Variants in TSPAN3 observed in about 807,000 individuals in gnomAD.
TSPAN3 encodes tetraspanin 3.
Under a neutral mutation model 31.1 loss-of-function variants are expected in TSPAN3, and 9 were observed. The observed-to-expected ratio is 0.29, with a 90% CI of 0.17 to 0.50. The LOEUF is 0.50. TSPAN3 is among the 20% of genes least tolerant of loss of function. The pLI is 0.98. For missense variants in TSPAN3, 252 were observed against 313.5 expected (o/e 0.80, Z 1.48); for synonymous variants, 129 against 114.3 (o/e 1.13, Z -0.82).
chr15:77,067,671 T>G (rs2076841810), intron 1 of TSPAN3: 1 of 152,206 alleles, frequency 6.6e-6, no homozygotes, highest in Non-Finnish European at 1.5e-5. Flanking sequence ...TAAGAATACA[T>G]TTATTAGAAC....
chr15:77,053,267 G>T (rs778997512), intron 4 of TSPAN3, among the ~76,000 whole-genome samples: 2 of 151,668 alleles, frequency 1.3e-5, no homozygotes, highest in African/African-American at 4.8e-5. Context: ...AGGCCGAGAT[G>T]GGCGAGTCAC....
intron 6 of TSPAN3, among the ~76,000 whole-genome samples, chr15:77,051,442 CA>C (rs2076730209): frequency 6.6e-6 from 1 of 151,480 alleles, no homozygotes; most frequent in Non-Finnish European, 1.5e-5. Context: ...GCAGAAGAAT[CA>C]CTGGAACCTG....
chr15:77,062,820 T>G (rs2152697411), intron 1 of TSPAN3, among the ~76,000 whole-genome samples: 1 of 152,332 alleles, frequency 6.6e-6, no homozygotes, highest in East Asian at 1.9e-4. Flanking sequence ...TTCAGAGGTG[T>G]GTCTGCATTC....
intron 6 of TSPAN3, among the ~76,000 whole-genome samples, chr15:77,047,751 C>G (rs540364037): frequency 1.3e-5 from 2 of 152,172 alleles, no homozygotes; most frequent in Non-Finnish European, 2.9e-5. Context: ...TTTTGACCTA[C>G]CTTCTCCCAA....
intron 2 of TSPAN3, 99 bp downstream of exon 2, chr15:77,055,965 A>C: frequency 6.6e-7 from 1 of 1,520,602 alleles, no homozygotes; most frequent in Non-Finnish European, 8.8e-7. Flanking sequence ...TAGAAGTTTA[A>C]ATGTTAACTC....
Position 77,046,849 on chromosome 15 carries a change from C to T in TSPAN3, c.748G>A (p.Gly250Arg), listed in dbSNP as rs749142832. Residue 250 changes from glycine to arginine, a missense_variant, in exon 7 of 7, where the codon GGA becomes AGA. By Grantham distance (125) the Gly-to-Arg change is moderately radical. Transcript: ENST00000267970. Reference sequence around the variant, plus strand: ...TGAGTTGTCAACTATGCATAGGTTCCGCCAGTGATGAGGAGCTCGTAAGCA... The same window carrying T: ...TGAGTTGTCAACTATGCATAGGTTCTGCCAGTGATGAGGAGCTCGTAAGCA... ...DPAYELLITG[G>R]TYA The T allele has an allele frequency of 7.5e-6, 12 of 1,591,140 alleles. No homozygotes were observed. Among genetic ancestry groups the T allele is most frequent in the Middle Eastern group, 1.6e-4 (1 of 6,062 alleles).
intron 1 of TSPAN3, chr15:77,063,556 CTATTAT>C (rs1474203062): frequency 1.3e-5 from 2 of 152,078 alleles, no homozygotes; most frequent in Non-Finnish European, 2.9e-5. Flanking sequence ...ATCAACATCA[CTATTAT>C]TATTGCCATT....
intron 1 of TSPAN3, among the ~76,000 whole-genome samples, chr15:77,067,397 C>A (rs2076839817): frequency 6.6e-6 from 1 of 152,092 alleles, no homozygotes; most frequent in South Asian, 2.1e-4. Flanking sequence ...TGTCACAGTT[C>A]AATGAACAAA....
rs754196430 is a variant in TSPAN3 at position 77,070,922 on chromosome 15, G to T, written c.33C>A (p.Thr11=). 1.4e-6 allele frequency: 2 copies of T among 1,433,190 alleles called. No individual in the cohort carries two copies. The highest frequency in any genetic ancestry group is 2.8e-5 in the South Asian group (2 of 71,918). The allele number at this position is 1,433,190 out of a possible 1,614,324, so 88.8% of individuals were successfully genotyped here. The change falls in exon 1 of 7, where the codon ACC becomes ACA. Residue 11 remains threonine (T), a synonymous_variant. Coordinates refer to ENST00000267970, the MANE Select transcript of TSPAN3 (RefSeq NM_005724.6). The part of the protein sequence containing the change: MGQCGITSSK[T]VLVFLNLIFW... ...AGATGAGGTTGAGAAAGACCAGCAC[G>T]GTCTTGGAGGAGGTGATGCCGCACT...
chr15:77,066,107 A>C (rs2076831239), intron 1 of TSPAN3, among the ~76,000 whole-genome samples: 1 of 152,256 alleles, frequency 6.6e-6, no homozygotes. Flanking sequence ...ATAGGACTTG[A>C]TTAAATAATC....
intron 1 of TSPAN3, chr15:77,064,604 G>GC (rs1193763625): frequency 1.3e-5 from 2 of 152,226 alleles, no homozygotes; most frequent in African/African-American, 4.8e-5. Context: ...GGGCCACAAG[G>GC]CTCTTGGTCA....
At chr15:77,062,236 T>C (rs2076805069) in intron 1 of TSPAN3, among the ~76,000 whole-genome samples, 1 of 152,230 alleles carries the variant, frequency 6.6e-6, no homozygotes. Flanking sequence ...CCTTATGCCA[T>C]TACAAGTGTC....
At chr15:77,068,135 A>G (rs2076844610) in intron 1 of TSPAN3, 1 of 152,210 alleles carries the variant, frequency 6.6e-6, no homozygotes, top group Non-Finnish European at 1.5e-5. Flanking sequence ...TTAGTCCACA[A>G]ACTAATACTT....
Position 77,054,164 on chromosome 15 carries a change from T to C in TSPAN3, c.432+14A>G. 4.4e-6 allele frequency: 7 copies of C among 1,606,526 alleles called. No individual in the cohort carries two copies. Among genetic ancestry groups the C allele is most frequent in the Non-Finnish European group, 6.0e-6 (7 of 1,173,540 alleles). On this transcript the variant is annotated intron_variant, in intron 4 of 6. Coordinates refer to ENST00000267970, the MANE Select transcript of TSPAN3 (RefSeq NM_005724.6). ...ATTGGTCCTCAAAAACAAATCTGCC[T>C]CAAGAAAGCTCACCTGTCTCTGTAC...
At chr15:77,050,558 T>TA (rs2076723788) in intron 6 of TSPAN3, among the ~76,000 whole-genome samples, 1 of 152,248 alleles carries the variant, frequency 6.6e-6, no homozygotes, top group Non-Finnish European at 1.5e-5. Flanking sequence ...ATTATTTTTA[T>TA]CAGTCTTCTA....
chr15:77,056,826 A>G (rs1001801196), intron 1 of TSPAN3, among the ~76,000 whole-genome samples: 9 of 152,224 alleles, frequency 5.9e-5, no homozygotes, highest in African/African-American at 1.7e-4. Flanking sequence ...CAGTCATTAA[A>G]GAACACTGCA....
chr15:77,053,453 A>AAAC lies in TSPAN3; in HGVS notation c.433-525_433-524insGTT, dbSNP rs1568540626. The stretch of plus-strand genomic sequence containing the variant: ...ACAAGAGTGAAATTTCGCCATCTCA[A>AAAC]AAAAAAAAAAAAAAAAAAAAAAAAA... On this transcript the variant is annotated intron_variant, in intron 4 of 6. Coordinates refer to ENST00000267970, the MANE Select transcript of TSPAN3 (RefSeq NM_005724.6). Among the ~76,000 whole-genome samples, 9 of 40,018 alleles carry AAAC rather than the reference A, an allele frequency of 2.2e-4. No homozygotes were observed. In the East Asian group the frequency reaches 3.9e-3, roughly 17 times the overall value. 26.3% of individuals were successfully genotyped at this position (40,018 alleles called of 152,430 possible).
intron 1 of TSPAN3, among the ~76,000 whole-genome samples, chr15:77,061,811 A>G (rs1568544471): frequency 6.6e-6 from 1 of 152,246 alleles, no homozygotes; most frequent in Non-Finnish European, 1.5e-5. Flanking sequence ...ATTCCCATCT[A>G]GAACTGGCAA....
intron 3 of TSPAN3, 115 bp from the exon 4 acceptor site, chr15:77,054,394 T>C: frequency 1.4e-6 from 1 of 714,730 alleles, no homozygotes; most frequent in Non-Finnish European, 2.4e-6. Context: ...TATCTATGAA[T>C]TTCCTGTAAA....
Sources: gnomAD v4.1 joint callset for allele counts (sites outside exome capture counted in the v4.1 genomes callset) on GRCh38, gnomAD v4.1.1 for gene constraint, MANE v1.5 for transcripts, NCBI Gene and HGNC (gene_info 2026-07-23, HGNC 2026-07-21) for gene names.